Variants in RBFOX1 observed in about 807,000 individuals in gnomAD.
RBFOX1 encodes RNA binding fox-1 homolog 1.
A neutral mutation model predicts 57.7 loss-of-function variants in RBFOX1; 8 were observed. The ratio of observed to expected loss-of-function variants is 0.14; its 90% CI spans 0.08 to 0.25. The LOEUF is 0.25. Among genes scored for constraint, RBFOX1 ranks in the 10% least tolerant of loss-of-function variants. RBFOX1 has a pLI of 1.00. For synonymous variants in RBFOX1, 326 were observed against 222.4 expected (o/e 1.47, Z -4.15); for missense variants, 611 against 548.5 (o/e 1.11, Z -1.14).
intron 4 of RBFOX1, among the ~76,000 whole-genome samples, chr16:7,211,054 T>C (rs1170666170): frequency 6.7e-6 from 1 of 148,898 alleles, no homozygotes; most frequent in African/African-American, 2.5e-5. Context: ...TATGTCAAAG[T>C]ATTATGTTGT....
intron 4 of RBFOX1, among the ~76,000 whole-genome samples, chr16:7,267,469 G>A (rs2095189817): frequency 6.6e-6 from 1 of 152,108 alleles, no homozygotes; most frequent in South Asian, 2.1e-4. Context: ...CTAGTAGGTG[G>A]AGGTTGCAGC....
chr16:7,525,674 T>C (rs1567668037), intron 5 of RBFOX1, among the ~76,000 whole-genome samples: 1 of 152,156 alleles, frequency 6.6e-6, no homozygotes. Context: ...CTTTTAGAAT[T>C]GTTGGGTGTC....
intron 3 of RBFOX1, among the ~76,000 whole-genome samples, chr16:5,828,990 G>T (rs1198053717): frequency 6.6e-6 from 1 of 152,182 alleles, no homozygotes; most frequent in Non-Finnish European, 1.5e-5. Flanking sequence ...GGCTGCAGTT[G>T]AAGTGTATTG....
chr16:7,445,055 A>G (rs186332268), intron 4 of RBFOX1, among the ~76,000 whole-genome samples: 2 of 151,882 alleles, frequency 1.3e-5, no homozygotes, highest in Admixed American at 1.3e-4. Context: ...AAGAAAAAGC[A>G]ACGTTCTTGA....
chr16:6,980,919 T>G (rs906910693), intron 3 of RBFOX1, among the ~76,000 whole-genome samples: 3 of 151,118 alleles, frequency 2.0e-5, no homozygotes, highest in African/African-American at 7.3e-5. Context: ...GGTGTGTGCT[T>G]GTAATCCCAA....
intron 3 of RBFOX1, among the ~76,000 whole-genome samples, chr16:6,676,145 C>T (rs1238953224): frequency 3.6e-4 from 1 of 2,772 alleles, no homozygotes; most frequent in Non-Finnish European, 3.1e-3. Flanking sequence ...CACACGCGCA[C>T]ACACACACAC....
chr16:5,974,440 C>G (rs1481980477), intron 4 of RBFOX1, among the ~76,000 whole-genome samples: 2 of 151,782 alleles, frequency 1.3e-5, no homozygotes, highest in Non-Finnish European at 2.9e-5. Context: ...GAAACCCCGT[C>G]CCTACTAAAA....
intron 4 of RBFOX1, among the ~76,000 whole-genome samples, chr16:7,401,145 C>A (rs1470542039): frequency 1.3e-5 from 2 of 152,146 alleles, no homozygotes; most frequent in South Asian, 2.1e-4. Context: ...AAGATCTAAG[C>A]TGCCTGATGA....
chr16:7,123,282 A>G (rs1053882764), intron 4 of RBFOX1, among the ~76,000 whole-genome samples: 3 of 152,226 alleles, frequency 2.0e-5, no homozygotes, highest in African/African-American at 7.2e-5. Context: ...AGCCCATAGC[A>G]TCATTCCTGG....
chr16:7,490,895 T>A (rs191130093), intron 4 of RBFOX1, among the ~76,000 whole-genome samples: 1 of 152,334 alleles, frequency 6.6e-6, no homozygotes, highest in Admixed American at 6.5e-5. Flanking sequence ...GGTGTCTTTA[T>A]CAGCCTAAGG....
intron 1 of RBFOX1, among the ~76,000 whole-genome samples, chr16:6,309,825 C>T (rs559097067): frequency 2.6e-5 from 4 of 152,280 alleles, no homozygotes; most frequent in East Asian, 1.9e-4. Flanking sequence ...GCAGCAGAAA[C>T]ACTAATTGCA....
At chr16:5,329,820 A>G (rs924214387) in intron 1 of RBFOX1, among the ~76,000 whole-genome samples, 38 of 152,224 alleles carry the variant, frequency 2.5e-4, no homozygotes, top group Middle Eastern at 3.4e-3. Flanking sequence ...TAACATGGTG[A>G]AACCCCGTCT....
chr16:7,511,521 C>T, intron 4 of RBFOX1, among the ~76,000 whole-genome samples: 1 of 152,110 alleles, frequency 6.6e-6, no homozygotes, highest in East Asian at 1.9e-4. Flanking sequence ...ATACAAGAGT[C>T]AACACACTAT....
At chr16:7,084,268 G>C (rs1173269344) in intron 4 of RBFOX1, among the ~76,000 whole-genome samples, 1 of 151,928 alleles carries the variant, frequency 6.6e-6, no homozygotes, top group Non-Finnish European at 1.5e-5. Context: ...GTGTATAGAG[G>C]TATGAACTAA....
At chr16:6,887,196 C>T (rs1356776157) in intron 3 of RBFOX1, among the ~76,000 whole-genome samples, 1 of 152,152 alleles carries the variant, frequency 6.6e-6, no homozygotes, top group Admixed American at 6.5e-5. Flanking sequence ...CTTCTTCCTC[C>T]TCTATCTCTA....
At chr16:5,830,711 A>AATAAC (rs1180350000) in intron 3 of RBFOX1, among the ~76,000 whole-genome samples, 1 of 152,164 alleles carries the variant, frequency 6.6e-6, no homozygotes, top group Non-Finnish European at 1.5e-5. Flanking sequence ...ACTGCCCTAG[A>AATAAC]ATAACACTGC....
At chr16:5,338,124 CT>C (rs759499727) in intron 1 of RBFOX1, among the ~76,000 whole-genome samples, 63 of 151,832 alleles carry the variant, frequency 4.1e-4, no homozygotes, top group Admixed American at 2.2e-3. Flanking sequence ...TGAGATGCTG[CT>C]GCTGGGTACT....
intron 1 of RBFOX1, among the ~76,000 whole-genome samples, chr16:6,078,538 A>G (rs999615132): frequency 3.3e-5 from 5 of 152,120 alleles, no homozygotes; most frequent in Admixed American, 6.5e-5. Flanking sequence ...AGCCAGTCCT[A>G]ACTCTACTCA....
At chr16:6,293,641 G>A (rs1227768764) in intron 1 of RBFOX1, among the ~76,000 whole-genome samples, 1 of 152,126 alleles carries the variant, frequency 6.6e-6, no homozygotes, top group Non-Finnish European at 1.5e-5. Flanking sequence ...TTTAATAGAG[G>A]TGTGAATACA....
Sources: gnomAD v4.1 joint callset for allele counts (sites outside exome capture counted in the v4.1 genomes callset) on GRCh38, gnomAD v4.1.1 for gene constraint, MANE v1.5 for transcripts, NCBI Gene and HGNC (gene_info 2026-07-23, HGNC 2026-07-21) for gene names.